Variants in CNTLN observed in about 807,000 individuals in gnomAD.
CNTLN encodes centlein.
Under a neutral mutation model 180.0 loss-of-function variants are expected in CNTLN, and 212 were observed. That is an observed-to-expected ratio of 1.18 (90% confidence interval 1.05 to 1.32). The LOEUF (loss-of-function observed/expected upper bound fraction) is 1.32, where lower values mean the gene tolerates loss of function less well. CNTLN is among the 40% of genes most tolerant of loss of function. The pLI, the probability that CNTLN is intolerant of heterozygous loss-of-function variation, is 0.00. For missense variants in CNTLN, 2,095 were observed against 1,610.9 expected (o/e 1.30, Z -5.14); for synonymous variants, 722 against 563.1 (o/e 1.28, Z -3.99).
chr9:17,306,744 G>A (rs1461197199), intron 7 of CNTLN, among the ~76,000 whole-genome samples: 2 of 152,148 alleles, frequency 1.3e-5, no homozygotes, highest in Non-Finnish European at 2.9e-5. Context: ...TTTGAAATAT[G>A]TGAATTCTTT....
At chr9:17,219,148 T>C (rs1288127914) in intron 2 of CNTLN, among the ~76,000 whole-genome samples, 1 of 152,106 alleles carries the variant, frequency 6.6e-6, no homozygotes, top group Non-Finnish European at 1.5e-5. Context: ...TATTCTTCGC[T>C]CACATCATTA....
At chr9:17,237,029 T>C (rs949047673) in intron 5 of CNTLN, among the ~76,000 whole-genome samples, 8 of 152,072 alleles carry the variant, frequency 5.3e-5, no homozygotes, top group Non-Finnish European at 8.8e-5. Flanking sequence ...TGGTGCTTTC[T>C]TTGACTTTAA....
At position 17,394,680 on chromosome 9, in the gene CNTLN, G is replaced by A. The variant is rs1264123141; in HGVS notation, c.2226G>A (p.Glu742=). The part of the protein sequence containing the change: ...QQEDTETREK[E]LEQIIKGSKD... The stretch of plus-strand genomic sequence containing the variant: ...AAGATACAGAGACCAGAGAAAAAGA[G>A]CTAGAACAGATAATAAAGGGGAGTA... Residue 742 remains glutamate (E), a synonymous_variant, in exon 15 of 26, where the codon GAG becomes GAA. Coordinates refer to ENST00000380647, the MANE Select transcript of CNTLN (RefSeq NM_017738.4). 3 of 1,613,690 alleles carry A rather than the reference G, an allele frequency of 1.9e-6. No individual in the cohort carries two copies. Among genetic ancestry groups the A allele is most frequent in the Non-Finnish European group, 2.5e-6 (3 of 1,179,772 alleles).
chr9:17,365,204 G>T (rs1414539754), intron 12 of CNTLN, among the ~76,000 whole-genome samples: 2 of 152,154 alleles, frequency 1.3e-5, no homozygotes, highest in African/African-American at 4.8e-5. Flanking sequence ...CTGTTCCATT[G>T]ATAGTGAGTT....
intron 2 of CNTLN, among the ~76,000 whole-genome samples, chr9:17,205,866 A>G (rs1305270235): frequency 6.6e-6 from 1 of 152,218 alleles, no homozygotes; most frequent in African/African-American, 2.4e-5. Context: ...CAGCAGGCAG[A>G]TCAACAGGCC....
chr9:17,154,316 T>G (rs1197052477), intron 2 of CNTLN, among the ~76,000 whole-genome samples: 3 of 152,226 alleles, frequency 2.0e-5, no homozygotes, highest in Non-Finnish European at 2.9e-5. Flanking sequence ...ATCTTTGATG[T>G]TGGTAACCTT....
the CNTLN span, among the ~76,000 whole-genome samples, chr9:17,511,998 T>C: frequency 6.6e-6 from 1 of 152,212 alleles, no homozygotes; most frequent in Admixed American, 6.5e-5. Context: ...GTGAGGTCTG[T>C]CACATAAAGA....
At chr9:17,140,648 C>T (rs763388967) in intron 1 of CNTLN, among the ~76,000 whole-genome samples, 2 of 152,086 alleles carry the variant, frequency 1.3e-5, no homozygotes, top group Non-Finnish European at 2.9e-5. Flanking sequence ...CACTATGTTG[C>T]CCAGGCCAGT....
intron 7 of CNTLN, among the ~76,000 whole-genome samples, chr9:17,307,733 C>T (rs918390049): frequency 6.6e-6 from 1 of 151,728 alleles, no homozygotes; most frequent in Non-Finnish European, 1.5e-5. Context: ...ATTTAAAAAA[C>T]GGAGGTAAAC....
chr9:17,436,926 C>T (rs1476294062), intron 18 of CNTLN, among the ~76,000 whole-genome samples: 1 of 152,180 alleles, frequency 6.6e-6, no homozygotes, highest in Non-Finnish European at 1.5e-5. Context: ...AGTACACATT[C>T]CTTGTAGGGT....
At chr9:17,239,357 A>G (rs535954696) in intron 5 of CNTLN, among the ~76,000 whole-genome samples, 2 of 152,320 alleles carry the variant, frequency 1.3e-5, no homozygotes, top group African/African-American at 4.8e-5. Context: ...TCTTTTGTGT[A>G]CATACTGGAT....
chr9:17,510,982 C>T, the CNTLN span, among the ~76,000 whole-genome samples: 2 of 152,186 alleles, frequency 1.3e-5, no homozygotes, highest in African/African-American at 4.8e-5. Context: ...TAACACTCTG[C>T]AACCCCACCA....
intron 20 of CNTLN, 101 bp from the exon 21 acceptor site, chr9:17,464,396 T>C: frequency 3.1e-6 from 3 of 966,468 alleles, no homozygotes; most frequent in Non-Finnish European, 4.6e-6. Context: ...TCACGTAGCA[T>C]TTAAAAAGTA....
At chr9:17,291,501 C>CAT (rs1282138796) in intron 6 of CNTLN, among the ~76,000 whole-genome samples, 1 of 152,100 alleles carries the variant, frequency 6.6e-6, no homozygotes, top group Admixed American at 6.5e-5. Flanking sequence ...GTGTTAGGTG[C>CAT]ATATATATTT....
intron 8 of CNTLN, among the ~76,000 whole-genome samples, chr9:17,319,445 G>C (rs753891589): frequency 6.6e-6 from 1 of 152,168 alleles, no homozygotes; most frequent in Non-Finnish European, 1.5e-5. Context: ...ATGGTAGAAA[G>C]GTTTTATTTC....
Position 17,384,802 on chromosome 9 carries a change from A to G in CNTLN, c.1988-3360A>G, listed in dbSNP as rs557025214. Among the ~76,000 whole-genome samples the G allele has an allele frequency of 4.6e-5, 7 of 152,274 alleles. No individual in the cohort carries two copies. In the South Asian group the frequency reaches 1.5e-3, roughly 32 times the overall value. ...GTGTTCAGAGTTATTTTTACTCACA[A>G]TACTTCTGACACCAATTTTATAGGT... On this transcript the variant is annotated intron_variant, in intron 13 of 25. Transcript: ENST00000380647.
intron 2 of CNTLN, among the ~76,000 whole-genome samples, chr9:17,150,906 G>A (rs1044994252): frequency 1.3e-5 from 2 of 152,118 alleles, no homozygotes; most frequent in South Asian, 2.1e-4. Flanking sequence ...TATTCTCTTA[G>A]TAGCAGTTGT....
chr9:17,454,776 T>C (rs900362338), intron 18 of CNTLN, among the ~76,000 whole-genome samples: 1 of 152,238 alleles, frequency 6.6e-6, no homozygotes, highest in Non-Finnish European at 1.5e-5. Flanking sequence ...TGTGTTTATG[T>C]AAGCTCACTC....
chr9:17,259,436 C>G lies in CNTLN; in HGVS notation c.850-14297C>G, dbSNP rs545463688. The stretch of plus-strand genomic sequence containing the variant: ...ATCCGGGATATTGGTCTAAAATTCT[C>G]TTTTTTTGTTGTATCTCTGCCCGGC... On this transcript the variant is annotated intron_variant, in intron 5 of 25. Transcript: ENST00000380647. Among the ~76,000 whole-genome samples the G allele has an allele frequency of 1.5e-3, 222 of 144,412 alleles. 10 individuals are homozygous for G. Among genetic ancestry groups the G allele is most frequent in the African/African-American group, 5.8e-3 (215 of 36,756 alleles). The allele number at this position is 144,412 out of a possible 152,430, so 94.7% of individuals were successfully genotyped here.
Sources: gnomAD v4.1 joint callset for allele counts (sites outside exome capture counted in the v4.1 genomes callset) on GRCh38, gnomAD v4.1.1 for gene constraint, MANE v1.5 for transcripts, NCBI Gene and HGNC (gene_info 2026-07-23, HGNC 2026-07-21) for gene names.